CHRNA9: variants seen among roughly 807,000 people sequenced by gnomAD.
The protein encoded by CHRNA9 is cholinergic receptor nicotinic alpha 9 subunit, also known as neuronal acetylcholine receptor subunit alpha-9.
Under a neutral mutation model 36.8 loss-of-function variants are expected in CHRNA9, and 24 were observed. The observed-to-expected ratio is 0.65, with a 90% CI of 0.47 to 0.92. The LOEUF is 0.92. Among genes scored for constraint, CHRNA9 ranks in the 40% least tolerant of loss-of-function variants. CHRNA9 has a pLI of 0.00. For synonymous variants in CHRNA9, 231 were observed against 231.8 expected (o/e 1.00, Z 0.03); for missense variants, 610 against 601.2 (o/e 1.01, Z -0.15).
intron 3 of CHRNA9, among the ~76,000 whole-genome samples, chr4:40,342,936 G>A (rs1712541630): frequency 6.6e-6 from 1 of 151,914 alleles, no homozygotes; most frequent in African/African-American, 2.4e-5. Context: ...GAGAGAGGGG[G>A]GAACTTCTTT....
chr4:40,340,687 G>A (rs946322685), intron 3 of CHRNA9, among the ~76,000 whole-genome samples: 6 of 152,108 alleles, frequency 3.9e-5, no homozygotes, highest in African/African-American at 1.4e-4. Context: ...GTGTGATAAA[G>A]ACACTCAGGC....
chr4:40,336,927 C>T (rs1346544478), intron 2 of CHRNA9, among the ~76,000 whole-genome samples: 1 of 152,148 alleles, frequency 6.6e-6, no homozygotes, highest in Non-Finnish European at 1.5e-5. Flanking sequence ...GTACATCATT[C>T]ATTGATCAAT....
At chr4:40,342,704 G>A (rs1392995123) in intron 3 of CHRNA9, among the ~76,000 whole-genome samples, 1 of 152,148 alleles carries the variant, frequency 6.6e-6, no homozygotes, top group Non-Finnish European at 1.5e-5. Flanking sequence ...AGAGGAAACG[G>A]GACAATAGCA....
Position 40,335,352 on chromosome 4 carries a change from C to A in CHRNA9, c.-116C>A. 1.3e-6 allele frequency: 1 copy of A among 794,758 alleles called. No individual in the cohort carries two copies. The highest frequency in any genetic ancestry group is 2.2e-6 in the Non-Finnish European group (1 of 457,156). 49.2% of individuals were successfully genotyped at this position (794,758 alleles called of 1,614,324 possible). ...GCATGCAATGCAAGCCTGAGCTCTCCCGCCATAAGGCTGCAGCGGTGTGGG... is the reference window on the plus strand; with the variant it reads ...GCATGCAATGCAAGCCTGAGCTCTCACGCCATAAGGCTGCAGCGGTGTGGG... On this transcript the variant is annotated 5_prime_UTR_variant, in exon 1 of 5. Coordinates refer to ENST00000310169, the MANE Select transcript of CHRNA9 (RefSeq NM_017581.4).
chr4:40,350,681 C>G (rs1473503237), intron 4 of CHRNA9, among the ~76,000 whole-genome samples: 1 of 112,576 alleles, frequency 8.9e-6, no homozygotes, highest in African/African-American at 3.5e-5. Flanking sequence ...TTTTATGTCT[C>G]TCTTTGCAAA....
At chr4:40,352,710 A>G (rs1224789965) in intron 4 of CHRNA9, among the ~76,000 whole-genome samples, 1 of 151,912 alleles carries the variant, frequency 6.6e-6, no homozygotes, top group East Asian at 1.9e-4. Context: ...TCTATATTTC[A>G]TAAATTTGTA....
At chr4:40,346,879 C>T (rs999594913) in intron 3 of CHRNA9, among the ~76,000 whole-genome samples, 1 of 152,014 alleles carries the variant, frequency 6.6e-6, no homozygotes, top group Non-Finnish European at 1.5e-5. Flanking sequence ...GGTGTGATCT[C>T]AACTCACTAC....
intron 2 of CHRNA9, among the ~76,000 whole-genome samples, chr4:40,336,356 C>A (rs1187603952): frequency 2.0e-5 from 3 of 152,022 alleles, no homozygotes; most frequent in African/African-American, 4.8e-5. Context: ...CGTTTCTTTG[C>A]GGGGGGAAGA....
chr4:40,348,990 T>C lies in CHRNA9; in HGVS notation c.474T>C (p.Asp158=). ...TCACCAAAAGCTCCTGTGTGGTGGA[T>C]GTCACCTACTTCCCTTTTGACAACC... The part of the protein sequence containing the change: ...PAITKSSCVV[D]VTYFPFDNQQ... Residue 158 remains aspartate (D), a synonymous_variant, in exon 4 of 5, where the codon GAT becomes GAC. Coordinates refer to ENST00000310169, the MANE Select transcript of CHRNA9 (RefSeq NM_017581.4). 1.2e-6 allele frequency: 2 copies of C among 1,614,222 alleles called. No individual in the cohort carries two copies. The highest frequency in any genetic ancestry group is 1.3e-5 in the African/African-American group (1 of 75,072).
At chr4:40,346,474 CCAAA>C (rs1712641396) in intron 3 of CHRNA9, among the ~76,000 whole-genome samples, 1 of 152,166 alleles carries the variant, frequency 6.6e-6, no homozygotes, top group African/African-American at 2.4e-5. Context: ...TGTCCTAGCC[CCAAA>C]CAGATTCTCT....
At chr4:40,353,921 T>C in intron 4 of CHRNA9, 58 bp from the exon 5 acceptor site, 2 of 1,430,956 alleles carry the variant, frequency 1.4e-6, no homozygotes, top group South Asian at 2.6e-5. Flanking sequence ...AAGTGACTCG[T>C]GGCTGTATGA....
chr4:40,348,970 A>G lies in CHRNA9; in HGVS notation c.454A>G (p.Lys152Glu). The change falls in exon 4 of 5, where the codon AAA becomes GAA. Residue 152 changes from lysine to glutamate, a missense_variant. Physicochemically the swap from Lys to Glu is moderately conservative, Grantham distance 56. Coordinates refer to ENST00000310169, the MANE Select transcript of CHRNA9 (RefSeq NM_017581.4). Reference protein sequence around the residue: ...LITWDAPAITKSSCVVDVTYF... With the variant: ...LITWDAPAITESSCVVDVTYF... Reference sequence around the variant, plus strand: ...CACCTGGGATGCACCGGCCATCACCAAAAGCTCCTGTGTGGTGGATGTCAC... The same window carrying G: ...CACCTGGGATGCACCGGCCATCACCGAAAGCTCCTGTGTGGTGGATGTCAC... 1.2e-6 allele frequency: 2 copies of G among 1,614,184 alleles called. No individual in the cohort carries two copies. Among genetic ancestry groups the G allele is most frequent in the Non-Finnish European group, 1.7e-6 (2 of 1,180,002 alleles).
intron 3 of CHRNA9, among the ~76,000 whole-genome samples, chr4:40,340,359 A>C (rs1425736370): frequency 6.6e-6 from 1 of 152,168 alleles, no homozygotes; most frequent in African/African-American, 2.4e-5. Flanking sequence ...TCTCCTTCTC[A>C]GTAAAACTTC....
At chr4:40,347,259 C>A (rs1560317521) in intron 3 of CHRNA9, among the ~76,000 whole-genome samples, 1 of 152,004 alleles carries the variant, frequency 6.6e-6, no homozygotes, top group Non-Finnish European at 1.5e-5. Flanking sequence ...TTATCCCTTA[C>A]CTCCCTTCAA....
At chr4:40,337,127 C>A in intron 2 of CHRNA9, 83 bp from the exon 3 acceptor site, 1 of 1,271,352 alleles carries the variant, frequency 7.9e-7, no homozygotes. Flanking sequence ...TGTGAAATTC[C>A]TATTGTGAAG....
intron 2 of CHRNA9, among the ~76,000 whole-genome samples, chr4:40,336,671 A>G (rs1036492709): frequency 6.6e-5 from 10 of 151,950 alleles, no homozygotes; most frequent in Non-Finnish European, 1.5e-4. Flanking sequence ...TAGTAGAGAC[A>G]GGGTTTTACC....
At chr4:40,337,057 G>A (rs577165800) in intron 2 of CHRNA9, among the ~76,000 whole-genome samples, 153 bp from the exon 3 acceptor site, 1 of 152,302 alleles carries the variant, frequency 6.6e-6, no homozygotes, top group African/African-American at 2.4e-5. Flanking sequence ...AGTCAATCAA[G>A]GGGATAGAAT....
intron 4 of CHRNA9, 94 bp from the exon 5 acceptor site, chr4:40,353,885 C>T: frequency 8.6e-7 from 1 of 1,157,990 alleles, no homozygotes; most frequent in Non-Finnish European, 1.2e-6. Flanking sequence ...TGACTAATAC[C>T]TTTCTCAGAA....
intron 3 of CHRNA9, among the ~76,000 whole-genome samples, chr4:40,339,112 T>C (rs1712415694): frequency 6.8e-6 from 1 of 147,938 alleles, no homozygotes; most frequent in Admixed American, 6.7e-5. Context: ...ATCCGGTCTT[T>C]ATTAAAAATA....
Sources: gnomAD v4.1 joint callset for allele counts (sites outside exome capture counted in the v4.1 genomes callset) on GRCh38, gnomAD v4.1.1 for gene constraint, MANE v1.5 for transcripts, NCBI Gene and HGNC (gene_info 2026-07-23, HGNC 2026-07-21) for gene names.